The following PNPLA8 variants were observed in gnomAD, a reference collection of about 807,000 sequenced individuals.
PNPLA8 encodes the protein patatin like domain 8, phospholipase A2, also known as calcium-independent phospholipase A2-gamma.
Under a neutral mutation model 76.9 loss-of-function variants are expected in PNPLA8, and 39 were observed. The observed-to-expected ratio is 0.51, with a 90% CI of 0.39 to 0.66. The LOEUF is 0.66. PNPLA8 is among the 30% of genes least tolerant of loss of function. The pLI, the probability that PNPLA8 is intolerant of heterozygous loss-of-function variation, is 0.00. For missense variants in PNPLA8, 887 were observed against 918.0 expected, an observed-to-expected ratio of 0.97 and a Z score of 0.44; for synonymous variants, 301 against 307.9, an observed-to-expected ratio of 0.98 and a Z score of 0.24.
intron 4 of PNPLA8, among the ~76,000 whole-genome samples, chr7:108,513,030 G>A (rs971411838): frequency 6.6e-6 from 1 of 152,068 alleles, no homozygotes; most frequent in Non-Finnish European, 1.5e-5. Flanking sequence ...TAGGAGGAAC[G>A]GGACTCTCAC....
At chr7:108,502,442 CAAAAA>C (rs369261888) in intron 5 of PNPLA8, 44 bp downstream of exon 5, 1,885 of 621,980 alleles carry the variant, frequency 3.0e-3, no homozygotes, top group South Asian at 4.4e-3. Context: ...AACTCCATCT[CAAAAA>C]AAAAAAAAAA....
At chr7:108,486,878 G>A (rs772851866) in intron 9 of PNPLA8, among the ~76,000 whole-genome samples, 1 of 151,926 alleles carries the variant, frequency 6.6e-6, no homozygotes, top group Admixed American at 6.6e-5. Context: ...GAGAGTAGAC[G>A]TACTTTAGGG....
At chr7:108,489,263 A>G (rs142486982) in intron 8 of PNPLA8, among the ~76,000 whole-genome samples, 9 of 152,338 alleles carry the variant, frequency 5.9e-5, no homozygotes, top group Non-Finnish European at 1.2e-4. Context: ...TCATCTCTTC[A>G]TCACAGCCTC....
chr7:108,504,555 G>C (rs759908184), intron 4 of PNPLA8, among the ~76,000 whole-genome samples: 1 of 152,114 alleles, frequency 6.6e-6, no homozygotes, highest in Non-Finnish European at 1.5e-5. Context: ...ACCCTAAATT[G>C]TTCCACATAT....
At chr7:108,489,216 T>C (rs1210187668) in intron 8 of PNPLA8, among the ~76,000 whole-genome samples, 1 of 152,198 alleles carries the variant, frequency 6.6e-6, no homozygotes, top group Non-Finnish European at 1.5e-5. Flanking sequence ...GCAAGAAGCA[T>C]AGAGTGCACC....
chr7:108,518,756 TATAC>T (rs1180533954), intron 2 of PNPLA8, among the ~76,000 whole-genome samples: 106 of 126,038 alleles, frequency 8.4e-4, no homozygotes, highest in African/African-American at 3.1e-3. Flanking sequence ...TATATATATA[TATAC>T]ACACACACAC....
At chr7:108,523,249 T>C (rs1218427137) in intron 1 of PNPLA8, among the ~76,000 whole-genome samples, 1 of 152,160 alleles carries the variant, frequency 6.6e-6, no homozygotes, top group Non-Finnish European at 1.5e-5. Flanking sequence ...ACAGAGTATG[T>C]CACTTAATTA....
intron 8 of PNPLA8, among the ~76,000 whole-genome samples, chr7:108,490,656 T>C (rs1010461661): frequency 1.1e-4 from 17 of 152,056 alleles, no homozygotes; most frequent in Admixed American, 4.6e-4. Context: ...TGGTGGCGGC[T>C]GCCTATAGTC....
At chr7:108,526,612 G>A (rs941848836), upstream of PNPLA8, among the ~76,000 whole-genome samples, 3 of 152,236 alleles carry the variant, frequency 2.0e-5, no homozygotes, top group Non-Finnish European at 4.4e-5. Context: ...TCTCTTGGAG[G>A]GTGGTGCCCG....
chr7:108,493,411 A>C (rs1488783281), intron 7 of PNPLA8, among the ~76,000 whole-genome samples: 1 of 151,622 alleles, frequency 6.6e-6, no homozygotes, highest in Non-Finnish European at 1.5e-5. Flanking sequence ...TATGAATTTT[A>C]TATATATATA....
intron 7 of PNPLA8, among the ~76,000 whole-genome samples, chr7:108,495,881 A>T (rs909504495): frequency 2.0e-5 from 3 of 152,230 alleles, no homozygotes; most frequent in African/African-American, 7.2e-5. Flanking sequence ...TTACAACTAC[A>T]ATCTAATATC....
At chr7:108,493,583 T>TTTG (rs931433417) in intron 7 of PNPLA8, among the ~76,000 whole-genome samples, 10 of 146,864 alleles carry the variant, frequency 6.8e-5, no homozygotes, top group South Asian at 6.4e-4. Flanking sequence ...TTTTTTTTTT[T>TTTG]TTTTTTTTTT....
intron 9 of PNPLA8, among the ~76,000 whole-genome samples, chr7:108,480,533 A>G (rs890541660): frequency 3.3e-5 from 5 of 152,176 alleles, no homozygotes; most frequent in Admixed American, 2.0e-4. Flanking sequence ...CCACCTGAAT[A>G]AACTCGAATG....
At chr7:108,475,462 G>A (rs1023588836) in intron 10 of PNPLA8, among the ~76,000 whole-genome samples, 4 of 151,956 alleles carry the variant, frequency 2.6e-5, no homozygotes, top group Admixed American at 2.6e-4. Flanking sequence ...TCCCTCAAAA[G>A]CCTGCTTGGA....
chr7:108,498,378 C>A (rs530807562), intron 5 of PNPLA8, among the ~76,000 whole-genome samples: 2 of 151,946 alleles, frequency 1.3e-5, no homozygotes, highest in Non-Finnish European at 2.9e-5. Context: ...CATTCTCCTG[C>A]CTCAGCCTCC....
At chr7:108,485,003 T>A (rs1860648465) in intron 9 of PNPLA8, among the ~76,000 whole-genome samples, 1 of 152,168 alleles carries the variant, frequency 6.6e-6, no homozygotes, top group African/African-American at 2.4e-5. Context: ...ACCTGGAATG[T>A]TTAAATAAAA....
chr7:108,501,793 C>T (rs1861967746), intron 5 of PNPLA8, among the ~76,000 whole-genome samples: 1 of 151,984 alleles, frequency 6.6e-6, no homozygotes, highest in South Asian at 2.1e-4. Flanking sequence ...CACTGCACTC[C>T]AGCCTGGGCG....
chr7:108,475,328 C>T (rs561002524), intron 10 of PNPLA8, among the ~76,000 whole-genome samples: 3 of 152,268 alleles, frequency 2.0e-5, no homozygotes, highest in African/African-American at 7.2e-5. Context: ...CTCCCCTCCC[C>T]GCCCCCATGT....
At chr7:108,496,469 T>C (rs1437814466) in intron 7 of PNPLA8, 115 bp downstream of exon 7, 4 of 608,226 alleles carry the variant, frequency 6.6e-6, no homozygotes, top group East Asian at 3.4e-5. Context: ...ATATTCTTGA[T>C]ATTTTTCAAA....
Sources: gnomAD v4.1 joint callset for allele counts (sites outside exome capture counted in the v4.1 genomes callset) on GRCh38, gnomAD v4.1.1 for gene constraint, MANE v1.5 for transcripts, NCBI Gene and HGNC (gene_info 2026-07-23, HGNC 2026-07-21) for gene names.